Variants in DR1 observed in about 807,000 individuals in gnomAD.
DR1 encodes protein Dr1.
Under a neutral mutation model 19.9 loss-of-function variants are expected in DR1, and 7 were observed. That is an observed-to-expected ratio of 0.35 (90% CI 0.20 to 0.66). The LOEUF is 0.66. Ranked by LOEUF, DR1 falls within the 30% of genes least tolerant of loss-of-function variation. The pLI is 0.66. For synonymous variants in DR1, 76 were observed against 72.5 expected (o/e 1.05, Z -0.24); for missense variants, 98 against 203.7 (o/e 0.48, Z 3.16).
intron 1 of DR1, among the ~76,000 whole-genome samples, chr1:93,353,070 C>G (rs988167520): frequency 2.0e-5 from 3 of 151,826 alleles, no homozygotes; most frequent in Non-Finnish European, 4.4e-5. Context: ...AATTTTTTTA[C>G]TTTTTGTAGA....
At chr1:93,352,203 G>A (rs2101636427) in intron 1 of DR1, among the ~76,000 whole-genome samples, 1 of 152,270 alleles carries the variant, frequency 6.6e-6, no homozygotes, top group Admixed American at 6.5e-5. Context: ...CCGTGTAGCT[G>A]GGACTACAGG....
Position 93,346,869 on chromosome 1 carries a change from A to G in DR1, c.220+4A>G, listed in dbSNP as rs1012155489. On this transcript the variant is annotated splice_donor_region_variant and intron_variant, in intron 1 of 2. Coordinates refer to ENST00000370272, the MANE Select transcript of DR1 (RefSeq NM_001938.3). ...TCACCAGAGCATGTCATACAAGGTA[A>G]GTCGTGTGTGAGAGCTGGTTTGAAT... The G allele has an allele frequency of 1.9e-6, 3 of 1,605,932 alleles. No homozygotes were observed. The highest frequency in any genetic ancestry group is 1.7e-5 in the Admixed American group (1 of 58,964).
At chr1:93,349,046 G>A (rs1666886653) in intron 1 of DR1, among the ~76,000 whole-genome samples, 1 of 152,032 alleles carries the variant, frequency 6.6e-6, no homozygotes, top group Non-Finnish European at 1.5e-5. Flanking sequence ...AATAAGTAAT[G>A]TACATTTTAA....
chr1:93,359,283 CTG>C (rs1249345620), intron 2 of DR1, among the ~76,000 whole-genome samples: 2 of 152,260 alleles, frequency 1.3e-5, no homozygotes, highest in African/African-American at 2.4e-5. Flanking sequence ...CTGGGCATCA[CTG>C]TTTTCCTGTA....
Position 93,367,712 on chromosome 1 carries a change from A to G in DR1, c.*7073A>G, listed in dbSNP as rs1012056500. On this transcript the variant is annotated 3_prime_UTR_variant, in exon 3 of 3. Transcript: ENST00000370272. ...TGGTTGTAAATAATTGTTTTTCATC[A>G]ATGTTATAATGAAATTACAGGCCGG... The G allele has an allele frequency of 1.3e-5, 2 of 152,244 alleles. No homozygotes were observed. Among genetic ancestry groups the G allele is most frequent in the Admixed American group, 1.3e-4 (2 of 15,290 alleles). 9.4% of individuals were successfully genotyped at this position (152,244 alleles called of 1,614,324 possible). A position where few individuals can be genotyped will look rare whatever the true frequency, so the allele number is the denominator to read the frequency against.
chr1:93,351,443 T>C (rs867406685), intron 1 of DR1, among the ~76,000 whole-genome samples: 4 of 144,334 alleles, frequency 2.8e-5, no homozygotes, highest in East Asian at 2.0e-4. Flanking sequence ...TTTCTTTTTT[T>C]TTTTTTTTTT....
intron 2 of DR1, among the ~76,000 whole-genome samples, chr1:93,354,689 G>A (rs932410136): frequency 6.6e-6 from 1 of 152,094 alleles, no homozygotes; most frequent in Non-Finnish European, 1.5e-5. Flanking sequence ...AAATTATAAG[G>A]CAGCTTTGGA....
At chr1:93,350,268 C>CA (rs912082314) in intron 1 of DR1, among the ~76,000 whole-genome samples, 2 of 152,176 alleles carry the variant, frequency 1.3e-5, no homozygotes, top group Non-Finnish European at 2.9e-5. Context: ...ATTAGTCTCT[C>CA]ATTGTTGTCC....
chr1:93,350,084 A>G (rs1010592456), intron 1 of DR1, among the ~76,000 whole-genome samples: 2 of 152,162 alleles, frequency 1.3e-5, no homozygotes, highest in Non-Finnish European at 2.9e-5. Context: ...TCACATAATC[A>G]AATGCTTTTC....
chr1:93,357,441 G>C (rs1667002104), intron 2 of DR1, among the ~76,000 whole-genome samples: 1 of 151,956 alleles, frequency 6.6e-6, no homozygotes, highest in African/African-American at 2.4e-5. Flanking sequence ...AGGAGTTCAA[G>C]GTTGCAGTGC....
intron 2 of DR1, among the ~76,000 whole-genome samples, chr1:93,356,305 C>T (rs932102571): frequency 6.6e-6 from 1 of 151,376 alleles, no homozygotes; most frequent in Non-Finnish European, 1.5e-5. Context: ...TTGACAGGCT[C>T]GATCAGGCAC....
rs1308929934 is a variant in DR1 at position 93,368,378 on chromosome 1, C to T, written c.*7739C>T. On this transcript the variant is annotated 3_prime_UTR_variant, in exon 3 of 3. Transcript: ENST00000370272. The stretch of plus-strand genomic sequence containing the variant: ...AAGCAGTAGAGGTGGAAGAGGGAGA[C>T]TTGCCAGAATAAGTTTTTAATGTGA... 2.0e-5 allele frequency: 3 copies of T among 152,160 alleles called. No individual in the cohort carries two copies. The highest frequency in any genetic ancestry group is 4.4e-5 in the Non-Finnish European group (3 of 68,050). 9.4% of individuals were successfully genotyped at this position (152,160 alleles called of 1,614,324 possible).
chr1:93,349,036 A>C (rs979783898), intron 1 of DR1, among the ~76,000 whole-genome samples: 1 of 152,102 alleles, frequency 6.6e-6, no homozygotes, highest in Non-Finnish European at 1.5e-5. Context: ...ATCCAAATGG[A>C]ATAAGTAATG....
In DR1 at chr1:93,361,648, G is replaced by A. The variant is rs1667053831; in HGVS notation, c.*1009G>A. 1 of 152,250 alleles carries A rather than the reference G, an allele frequency of 6.6e-6. No homozygotes were observed. The highest frequency in any genetic ancestry group is 6.6e-5 in the Admixed American group (1 of 15,260). 9.4% of individuals were successfully genotyped at this position (152,250 alleles called of 1,614,324 possible). A position where few individuals can be genotyped will look rare whatever the true frequency, so the allele number is the denominator to read the frequency against. ...TACTTTTACATTTTCCCAACTAGATGGCCTAGAGTCCAACATTACCTTTTG... is the reference window on the plus strand; with the variant it reads ...TACTTTTACATTTTCCCAACTAGATAGCCTAGAGTCCAACATTACCTTTTG... On this transcript the variant is annotated 3_prime_UTR_variant, in exon 3 of 3. Transcript: ENST00000370272.
At chr1:93,352,552 A>G (rs879734931) in intron 1 of DR1, among the ~76,000 whole-genome samples, 2 of 152,228 alleles carry the variant, frequency 1.3e-5, no homozygotes, top group Admixed American at 6.5e-5. Flanking sequence ...AAATCATTCA[A>G]AATGTCTAAA....
At chr1:93,358,410 A>G (rs761287401) in intron 2 of DR1, among the ~76,000 whole-genome samples, 50 of 152,152 alleles carry the variant, frequency 3.3e-4, no homozygotes, top group Admixed American at 5.2e-4. Flanking sequence ...CCTTTGAACA[A>G]CCCAGCAACA....
rs1185919174 is a variant in DR1 at position 93,354,001 on chromosome 1, G to T, written c.314G>T (p.Ser105Ile). Reference sequence around the variant, plus strand: ...GTAGCATTAAAAAGAAGAAAGGCCAGTTCTCGTTTGGAAAACCTTGGCATT... The same window carrying T: ...GTAGCATTAAAAAGAAGAAAGGCCATTTCTCGTTTGGAAAACCTTGGCATT... ...KTVALKRRKA[S>I]SRLENLGIPE... Residue 105 changes from serine to isoleucine, a missense_variant, in exon 2 of 3, where the codon AGT (serine) becomes ATT (isoleucine). By Grantham distance (142) the Ser-to-Ile change is moderately radical. Transcript: ENST00000370272. 6.2e-7 allele frequency: 1 copy of T among 1,613,850 alleles called. No individual in the cohort carries two copies. The highest frequency in any genetic ancestry group is 1.7e-5 in the Admixed American group (1 of 60,016).
chr1:93,356,056 A>C (rs1259412701), intron 2 of DR1, among the ~76,000 whole-genome samples: 1 of 152,172 alleles, frequency 6.6e-6, no homozygotes, highest in Non-Finnish European at 1.5e-5. Context: ...CCTCCAAAAG[A>C]AAAGTGAATT....
Position 93,346,184 on chromosome 1 carries a change from C to T in DR1, c.-462C>T. Reference sequence around the variant, plus strand: ...CCGAGGCGGCGGCAACGGCTGCTGGCGGCGGCGGCAGCGGCAGCGGGGCCT... The same window carrying T: ...CCGAGGCGGCGGCAACGGCTGCTGGTGGCGGCGGCAGCGGCAGCGGGGCCT... On this transcript the variant is annotated 5_prime_UTR_variant, in exon 1 of 3. Coordinates refer to ENST00000370272, the MANE Select transcript of DR1 (RefSeq NM_001938.3). 1 of 220,476 alleles carries T rather than the reference C, an allele frequency of 4.5e-6. No individual in the cohort carries two copies. 13.7% of individuals were successfully genotyped at this position (220,476 alleles called of 1,614,324 possible).
Sources: gnomAD v4.1 joint callset for allele counts (sites outside exome capture counted in the v4.1 genomes callset) on GRCh38, gnomAD v4.1.1 for gene constraint, MANE v1.5 for transcripts, NCBI Gene and HGNC (gene_info 2026-07-23, HGNC 2026-07-21) for gene names.